The following BMPR1B variants were observed in gnomAD, a reference collection of about 807,000 sequenced individuals.
The protein encoded by BMPR1B is bone morphogenetic protein receptor type 1B, also known as bone morphogenetic protein receptor type-1B.
In BMPR1B, 12 loss-of-function variants were observed where a neutral mutation model predicts 59.1. The ratio of observed to expected loss-of-function variants is 0.20; its 90% confidence interval spans 0.13 to 0.33. BMPR1B has a LOEUF of 0.33. BMPR1B is among the 10% of genes least tolerant of loss of function. The probability of loss-of-function intolerance (pLI) is 1.00; values close to 1 mark genes in which losing one functional copy is unlikely to be tolerated. For synonymous variants in BMPR1B, 237 were observed against 207.3 expected (o/e 1.14, Z -1.23); for missense variants, 550 against 610.9 (o/e 0.90, Z 1.05).
intron 2 of BMPR1B, among the ~76,000 whole-genome samples, chr4:94,942,276 A>G (rs1321249337): frequency 6.6e-6 from 1 of 152,238 alleles, no homozygotes; most frequent in Non-Finnish European, 1.5e-5. Context: ...TTGGTCTATT[A>G]AAGTCGAGGA....
At chr4:94,990,259 G>A (rs139569863) in intron 2 of BMPR1B, among the ~76,000 whole-genome samples, 1,812 of 152,244 alleles carry the variant, frequency 0.012, 40 homozygotes, top group African/African-American at 0.041. Flanking sequence ...GGAGGCTGAG[G>A]CAGGAGAATC....
At chr4:95,134,480 A>G (rs11722441) in intron 10 of BMPR1B, among the ~76,000 whole-genome samples, 70,653 of 152,084 alleles carry the variant, frequency 0.46, 17,936 homozygotes, top group Admixed American at 0.6. Flanking sequence ...TTACAGCCCC[A>G]CAAACAGTGT....
At chr4:94,888,511 A>G (rs1044528760) in intron 2 of BMPR1B, among the ~76,000 whole-genome samples, 2 of 152,090 alleles carry the variant, frequency 1.3e-5, no homozygotes, top group Admixed American at 6.6e-5. Context: ...AGCACTTACT[A>G]TGCACCAGGC....
intron 2 of BMPR1B, among the ~76,000 whole-genome samples, chr4:94,891,440 C>A (rs1244871451): frequency 6.6e-6 from 1 of 151,982 alleles, no homozygotes; most frequent in African/African-American, 2.4e-5. Context: ...AAAATTAAGA[C>A]TTTGAAACTT....
In BMPR1B at chr4:95,016,373, T is replaced by C. The variant is rs117801725; in HGVS notation, c.-18+20239T>C. 4.1e-4 allele frequency among the ~76,000 whole-genome samples: 63 copies of C among 152,346 alleles called. No homozygotes were observed. In the East Asian group the frequency reaches 0.01, roughly 25 times the overall value. Reference sequence around the variant, plus strand: ...ATCAACACATGATGTTACAAAATTATGCATGGATGAGAGATTCATTCAAAG... The same window carrying C: ...ATCAACACATGATGTTACAAAATTACGCATGGATGAGAGATTCATTCAAAG... On this transcript the variant is annotated intron_variant, in intron 3 of 12. Coordinates refer to ENST00000515059, the MANE Select transcript of BMPR1B (RefSeq NM_001203.3).
chr4:94,827,117 T>A (rs573209161), intron 1 of BMPR1B, among the ~76,000 whole-genome samples: 1 of 152,212 alleles, frequency 6.6e-6, no homozygotes, highest in Non-Finnish European at 1.5e-5. Context: ...TAATAAGCGT[T>A]CCCTTTTCCT....
chr4:94,891,795 T>C (rs923508655), intron 2 of BMPR1B, among the ~76,000 whole-genome samples: 59 of 152,092 alleles, frequency 3.9e-4, no homozygotes, highest in African/African-American at 1.4e-3. Context: ...ATGAGGATGA[T>C]AAAAACTTCA....
intron 2 of BMPR1B, among the ~76,000 whole-genome samples, chr4:94,932,896 C>G (rs1729149999): frequency 1.3e-5 from 2 of 152,016 alleles, no homozygotes; most frequent in Non-Finnish European, 2.9e-5. Context: ...ATCCTGTATT[C>G]TGTCAGGATC....
intron 2 of BMPR1B, among the ~76,000 whole-genome samples, chr4:94,921,045 A>C (rs1401377922): frequency 3.3e-5 from 5 of 152,088 alleles, no homozygotes; most frequent in Admixed American, 2.0e-4. Flanking sequence ...CACACTAATA[A>C]AAGTAACTTT....
intron 2 of BMPR1B, among the ~76,000 whole-genome samples, chr4:94,936,285 A>T (rs1258660841): frequency 6.6e-6 from 1 of 152,222 alleles, no homozygotes; most frequent in African/African-American, 2.4e-5. Flanking sequence ...CCATATGTCT[A>T]ACCAAAGGTG....
chr4:95,127,194 T>C (rs1419728456), intron 8 of BMPR1B, among the ~76,000 whole-genome samples: 1 of 152,172 alleles, frequency 6.6e-6, no homozygotes, highest in Non-Finnish European at 1.5e-5. Flanking sequence ...ATAGTCATTG[T>C]ATCTTACAGG....
chr4:94,880,286 A>G (rs1486251942), intron 2 of BMPR1B, among the ~76,000 whole-genome samples: 1 of 152,132 alleles, frequency 6.6e-6, no homozygotes, highest in Non-Finnish European at 1.5e-5. Context: ...AATATGCCCT[A>G]AAAACAATGC....
At chr4:94,860,202 G>T (rs1176431955) in intron 1 of BMPR1B, among the ~76,000 whole-genome samples, 1 of 152,134 alleles carries the variant, frequency 6.6e-6, no homozygotes, top group African/African-American at 2.4e-5. Context: ...ATTTTATATA[G>T]AGATTCTTTC....
chr4:95,091,443 G>T (rs1000413436), intron 3 of BMPR1B: 1 of 985,146 alleles, frequency 1.0e-6, no homozygotes, highest in Non-Finnish European at 1.2e-6. Flanking sequence ...CAGCTGAGCT[G>T]TATTAGGCAA....
chr4:95,013,943 A>G (rs1392162475), intron 3 of BMPR1B, among the ~76,000 whole-genome samples: 1 of 152,170 alleles, frequency 6.6e-6, no homozygotes. Flanking sequence ...ATTACCCTAA[A>G]ACTAGATCCA....
chr4:95,131,265 C>G lies in BMPR1B; in HGVS notation c.829C>G (p.Leu277Val), dbSNP rs755942515. The G allele has an allele frequency of 1.2e-5, 20 of 1,613,672 alleles. No individual in the cohort carries two copies. The highest frequency in any genetic ancestry group is 1.0e-4 in the Admixed American group (6 of 59,926). Residue 277 changes from leucine to valine, a missense_variant, in exon 10 of 13, where the codon CTA becomes GTA. Physicochemically the swap from Leu to Val is conservative, Grantham distance 32 (BLOSUM62 1). This residue lies in a region of BMPR1B where 318 missense variants were observed against 284.6 expected (regional missense o/e 1.12). Coordinates refer to ENST00000515059, the MANE Select transcript of BMPR1B (RefSeq NM_001203.3). ...GACAGGGTCCTGGACCCAGTTGTACCTAATCACAGACTATCATGAAAATGG... is the reference window on the plus strand; with the variant it reads ...GACAGGGTCCTGGACCCAGTTGTACGTAATCACAGACTATCATGAAAATGG... ...KGTGSWTQLY[L>V]ITDYHENGSL...
At chr4:94,900,568 T>TAA (rs1169358162) in intron 2 of BMPR1B, among the ~76,000 whole-genome samples, 1 of 152,020 alleles carries the variant, frequency 6.6e-6, no homozygotes, top group Non-Finnish European at 1.5e-5. Flanking sequence ...TAAGGAAAGT[T>TAA]AACAAAAGCA....
chr4:94,854,760 C>CAT (rs886989772), intron 1 of BMPR1B, among the ~76,000 whole-genome samples: 5 of 152,120 alleles, frequency 3.3e-5, no homozygotes, highest in Non-Finnish European at 5.9e-5. Flanking sequence ...AAAAGAAAGA[C>CAT]ATGCTCCCTA....
Position 94,978,987 on chromosome 4 carries a change from A to G in BMPR1B, c.-112-17053A>G, listed in dbSNP as rs143712555. Among the ~76,000 whole-genome samples, 824 of 151,192 alleles carry G rather than the reference A, an allele frequency of 5.5e-3. 5 individuals carry two copies. The highest frequency in any genetic ancestry group is 7.9e-3 in the Non-Finnish European group (538 of 67,854). ...ACACACACACACACACACGAAAGGT[A>G]AGAGTAGAAGTTGTCATCATTTTAG... On this transcript the variant is annotated intron_variant, in intron 2 of 12. Coordinates refer to ENST00000515059, the MANE Select transcript of BMPR1B (RefSeq NM_001203.3).
Sources: allele counts gnomAD v4.1 joint callset (sites outside exome capture counted in the v4.1 genomes callset), GRCh38; gene constraint gnomAD v4.1.1; regional missense constraint gnomAD v4.1.1; transcripts MANE v1.5; gene names NCBI Gene and HGNC (gene_info 2026-07-23, HGNC 2026-07-21).